Variants in CTNND2 observed in about 807,000 individuals in gnomAD.
CTNND2 encodes the protein catenin delta-2.
In CTNND2, 22 loss-of-function variants were observed where a neutral mutation model predicts 144.4. The observed-to-expected ratio is 0.15, with a 90% CI of 0.11 to 0.22. CTNND2 has a LOEUF of 0.22. CTNND2 is among the 10% of genes least tolerant of loss of function. The pLI is 1.00. For missense variants in CTNND2, 1,353 were observed against 1,618.8 expected, an observed-to-expected ratio of 0.84 and a Z score of 2.82; for synonymous variants, 751 against 695.6, an observed-to-expected ratio of 1.08 and a Z score of -1.25.
chr5:11,457,830 G>A (rs1765866770), intron 3 of CTNND2, among the ~76,000 whole-genome samples: 1 of 152,150 alleles, frequency 6.6e-6, no homozygotes, highest in South Asian at 2.1e-4. Flanking sequence ...CATGACAGCT[G>A]TTGACTGCAG....
intron 3 of CTNND2, among the ~76,000 whole-genome samples, chr5:11,435,717 T>A (rs1216792294): frequency 2.6e-5 from 4 of 152,228 alleles, no homozygotes; most frequent in Non-Finnish European, 5.9e-5. Flanking sequence ...ATAGTATTTA[T>A]AATGCAAATA....
At chr5:11,485,337 G>GAC (rs1449202475) in intron 3 of CTNND2, among the ~76,000 whole-genome samples, 11 of 148,334 alleles carry the variant, frequency 7.4e-5, no homozygotes, top group Admixed American at 7.4e-4. Context: ...GAGAGAGAGA[G>GAC]ACAGAGACTG....
intron 16 of CTNND2, among the ~76,000 whole-genome samples, chr5:11,035,614 T>A (rs756458163): frequency 1.2e-4 from 18 of 152,240 alleles, no homozygotes; most frequent in Non-Finnish European, 4.4e-5. Flanking sequence ...TGGGAGGACA[T>A]TATTCTGCCT....
At chr5:11,608,518 A>C (rs1199516718) in intron 2 of CTNND2, among the ~76,000 whole-genome samples, 1 of 152,192 alleles carries the variant, frequency 6.6e-6, no homozygotes, top group Non-Finnish European at 1.5e-5. Context: ...GGGAACATAC[A>C]GAAAAGATTC....
chr5:11,782,723 C>T (rs1790610968), intron 1 of CTNND2, among the ~76,000 whole-genome samples: 1 of 152,172 alleles, frequency 6.6e-6, no homozygotes, highest in South Asian at 2.1e-4. Flanking sequence ...CTGTGAAACG[C>T]TCAGTATCTT....
At chr5:11,899,343 A>G (rs961866603) in intron 1 of CTNND2, among the ~76,000 whole-genome samples, 3 of 152,268 alleles carry the variant, frequency 2.0e-5, no homozygotes, top group South Asian at 2.1e-4. Flanking sequence ...GGTGACTAAT[A>G]TAACACTAAT....
intron 1 of CTNND2, among the ~76,000 whole-genome samples, chr5:11,878,006 A>T (rs1018805075): frequency 6.6e-6 from 1 of 152,154 alleles, no homozygotes; most frequent in African/African-American, 2.4e-5. Context: ...TATCTTGTGT[A>T]TAAGAAAAGA....
rs534391683 is a variant in CTNND2 at position 11,022,828 on chromosome 5, G to A, written c.2940C>T (p.Ala980=). ...TCTCGATGCCACCGGCATCCCGTAA[G>A]GCCTTGGCGTTCTCCATGTTCTTGG... The part of the protein sequence containing the change: ...VITKNMENAK[A]LRDAGGIEKL... The change falls in exon 17 of 22, where the codon GCC becomes GCT. Residue 980 remains alanine, a synonymous_variant. Transcript: ENST00000304623. The A allele has an allele frequency of 1.7e-5, 27 of 1,614,206 alleles. No individual in the cohort carries two copies. The highest frequency in any genetic ancestry group is 1.2e-4 in the African/African-American group (9 of 75,054).
chr5:11,210,657 C>T (rs1738535400), intron 10 of CTNND2, among the ~76,000 whole-genome samples: 1 of 152,146 alleles, frequency 6.6e-6, no homozygotes, highest in Non-Finnish European at 1.5e-5. Context: ...TGGATGACCT[C>T]ACATAAATTT....
chr5:11,625,291 A>T (rs2126445064), intron 2 of CTNND2, among the ~76,000 whole-genome samples: 1 of 152,236 alleles, frequency 6.6e-6, no homozygotes, highest in South Asian at 2.1e-4. Flanking sequence ...CATACATGCA[A>T]AAACTGATTT....
At chr5:11,002,350 C>T (rs556574967) in intron 18 of CTNND2, among the ~76,000 whole-genome samples, 4 of 152,320 alleles carry the variant, frequency 2.6e-5, no homozygotes, top group South Asian at 2.1e-4. Context: ...CTGAGGCTCC[C>T]GCCTCCCTCT....
chr5:11,133,415 C>T (rs535906131), intron 12 of CTNND2, among the ~76,000 whole-genome samples: 31 of 152,102 alleles, frequency 2.0e-4, no homozygotes, highest in Middle Eastern at 6.8e-3. Flanking sequence ...TGCAATGATG[C>T]GATCTTGGCT....
At chr5:11,425,769 T>C (rs575432583) in intron 3 of CTNND2, among the ~76,000 whole-genome samples, 22 of 152,310 alleles carry the variant, frequency 1.4e-4, no homozygotes, top group African/African-American at 5.3e-4. Flanking sequence ...CCTGGTGGTA[T>C]AAAGAGCTCT....
intron 1 of CTNND2, among the ~76,000 whole-genome samples, chr5:11,786,023 G>A (rs1581882101): frequency 7.8e-6 from 1 of 127,794 alleles, no homozygotes; most frequent in Non-Finnish European, 1.5e-5. Context: ...GCATTTCCTG[G>A]GTGCCCAGAC....
chr5:11,531,941 C>T (rs1438829516), intron 3 of CTNND2, among the ~76,000 whole-genome samples: 1 of 152,196 alleles, frequency 6.6e-6, no homozygotes, highest in Non-Finnish European at 1.5e-5. Context: ...TCAAGACACA[C>T]TAACCGCAGT....
intron 9 of CTNND2, among the ~76,000 whole-genome samples, chr5:11,274,581 T>G (rs1328020892): frequency 9.6e-6 from 1 of 104,572 alleles, no homozygotes; most frequent in African/African-American, 4.3e-5. Context: ...TTGCTTTCGT[T>G]TTTTTTTTTT....
chr5:11,047,739 G>T (rs1248199026), intron 16 of CTNND2, among the ~76,000 whole-genome samples: 1 of 152,136 alleles, frequency 6.6e-6, no homozygotes, highest in African/African-American at 2.4e-5. Flanking sequence ...TGTTGACCAT[G>T]TCATGTCGCT....
At position 11,548,363 on chromosome 5, in the gene CTNND2, A is replaced by AT. The variant is rs371222554; in HGVS notation, c.287+16580dup. On this transcript the variant is annotated intron_variant, in intron 3 of 21. Transcript: ENST00000304623. ...TCTACTTCTTCAACAGAGTTATAGCATTTTTTAAAACCATGAATATGCAAA... is the reference window on the plus strand; with the variant it reads ...TCTACTTCTTCAACAGAGTTATAGCATTTTTTTAAAACCATGAATATGCAAA... Among the ~76,000 whole-genome samples, 417 of 152,328 alleles carry AT rather than the reference A, an allele frequency of 2.7e-3. 1 individual carries two copies. The highest frequency in any genetic ancestry group is 9.6e-3 in the African/African-American group (398 of 41,588).
At chr5:11,797,392 T>G (rs1468676532) in intron 1 of CTNND2, among the ~76,000 whole-genome samples, 1 of 152,208 alleles carries the variant, frequency 6.6e-6, no homozygotes, top group Non-Finnish European at 1.5e-5. Context: ...TAAGTGGAAT[T>G]AATTTTCCCT....
Sources: allele counts gnomAD v4.1 joint callset (sites outside exome capture counted in the v4.1 genomes callset), GRCh38; gene constraint gnomAD v4.1.1; transcripts MANE v1.5; gene names NCBI Gene and HGNC (gene_info 2026-07-23, HGNC 2026-07-21).